The following CAMTA1 variants were observed in gnomAD, a reference collection of about 807,000 sequenced individuals.
The protein encoded by CAMTA1 is calmodulin binding transcription activator 1.
Under a neutral mutation model 170.9 loss-of-function variants are expected in CAMTA1, and 27 were observed. The ratio of observed to expected loss-of-function variants is 0.16; its 90% CI spans 0.12 to 0.22. The LOEUF (loss-of-function observed/expected upper bound fraction) is 0.22, where lower values mean the gene tolerates loss of function less well. Ranked by LOEUF, CAMTA1 falls within the 10% of genes least tolerant of loss-of-function variation. CAMTA1 has a pLI of 1.00. For synonymous variants in CAMTA1, 833 were observed against 891.5 expected (o/e 0.93, Z 1.17); for missense variants, 1,619 against 2,217.2 (o/e 0.73, Z 5.42).
chr1:7,717,432 G>A (rs753258307), intron 11 of CAMTA1, among the ~76,000 whole-genome samples: 15 of 152,022 alleles, frequency 9.9e-5, no homozygotes, highest in Admixed American at 6.6e-5. Flanking sequence ...CAATAAATAC[G>A]TACAATTTAT....
At chr1:7,219,409 C>T (rs1169074685) in intron 4 of CAMTA1, 2 of 151,908 alleles carry the variant, frequency 1.3e-5, no homozygotes, top group East Asian at 3.9e-4. Context: ...GTGGTACTCC[C>T]AGGGTGAGGC....
At chr1:6,803,299 T>TAGAAAGCAGAAAACAAGCGGGGA (rs1553149420) in intron 1 of CAMTA1, among the ~76,000 whole-genome samples, 1 of 152,186 alleles carries the variant, frequency 6.6e-6, no homozygotes, top group East Asian at 1.9e-4. Flanking sequence ...TCAGAATGGG[T>TAGAAAGCAGAAAACAAGCGGGGA]AGAAAGCAGA....
intron 6 of CAMTA1, among the ~76,000 whole-genome samples, chr1:7,618,206 T>G (rs1306085417): frequency 2.0e-5 from 3 of 152,200 alleles, no homozygotes; most frequent in Non-Finnish European, 4.4e-5. Flanking sequence ...CTCTCTCTTC[T>G]TCCATCTCCA....
At chr1:6,943,538 T>C in intron 3 of CAMTA1, among the ~76,000 whole-genome samples, 1 of 152,170 alleles carries the variant, frequency 6.6e-6, no homozygotes, top group East Asian at 1.9e-4. Context: ...TTTAAAGTTA[T>C]TTTAAATTGT....
chr1:7,141,103 AG>A (rs1391902463), intron 4 of CAMTA1, among the ~76,000 whole-genome samples: 4 of 152,158 alleles, frequency 2.6e-5, no homozygotes, highest in Non-Finnish European at 5.9e-5. Context: ...TGCAGGCCAA[AG>A]GGTAGCTCCC....
chr1:7,160,057 C>T (rs1403868616), intron 4 of CAMTA1, among the ~76,000 whole-genome samples: 1 of 152,078 alleles, frequency 6.6e-6, no homozygotes, highest in Non-Finnish European at 1.5e-5. Flanking sequence ...TGAGACCAGC[C>T]TGGCCAGCAT....
intron 5 of CAMTA1, among the ~76,000 whole-genome samples, chr1:7,444,083 C>T (rs1391161779): frequency 6.6e-6 from 1 of 152,240 alleles, no homozygotes; most frequent in African/African-American, 2.4e-5. Flanking sequence ...AGGAAACCCG[C>T]TGGTGCTCAG....
intron 3 of CAMTA1, among the ~76,000 whole-genome samples, chr1:7,009,885 G>A (rs560878757): frequency 6.4e-4 from 97 of 152,318 alleles, no homozygotes; most frequent in African/African-American, 2.2e-3. Context: ...TGCGGTCCTC[G>A]TGCTTGGGCT....
chr1:7,162,511 A>C (rs1295549439), intron 4 of CAMTA1, among the ~76,000 whole-genome samples: 1 of 152,088 alleles, frequency 6.6e-6, no homozygotes, highest in Non-Finnish European at 1.5e-5. Flanking sequence ...TTCTGTTTCT[A>C]TTAGACTGAT....
At chr1:7,194,622 A>G (rs1038530659) in intron 4 of CAMTA1, among the ~76,000 whole-genome samples, 1 of 152,192 alleles carries the variant, frequency 6.6e-6, no homozygotes, top group African/African-American at 2.4e-5. Flanking sequence ...GCTGTTTTAC[A>G]GCGATACTTG....
At chr1:7,095,597 A>G (rs1343288767) in intron 4 of CAMTA1, among the ~76,000 whole-genome samples, 1 of 152,250 alleles carries the variant, frequency 6.6e-6, no homozygotes, top group African/African-American at 2.4e-5. Context: ...GAAGGTTCCC[A>G]GGGAGCCCGT....
At chr1:7,102,904 ACTCTT>A (rs1642910822) in intron 4 of CAMTA1, among the ~76,000 whole-genome samples, 1 of 151,538 alleles carries the variant, frequency 6.6e-6, no homozygotes, top group Non-Finnish European at 1.5e-5. Context: ...GTTGGCACCC[ACTCTT>A]CTCTTTACTC....
In CAMTA1 at chr1:7,736,888, C is replaced by G. The variant is rs554344577; in HGVS notation, c.3264-43C>G. The G allele has an allele frequency of 6.9e-7, 1 of 1,447,266 alleles. No individual in the cohort carries two copies. Among genetic ancestry groups the G allele is most frequent in the Non-Finnish European group, 9.7e-7 (1 of 1,035,976 alleles). The allele number at this position is 1,447,266 out of a possible 1,614,324, so 89.7% of individuals were successfully genotyped here. A position where few individuals can be genotyped will look rare whatever the true frequency, so the allele number is the denominator to read the frequency against. Reference sequence around the variant, plus strand: ...ATAATATTCTGGTGTTTCCTTTTAACGGTGGTGAATAGTGTGGTAATTTCT... The same window carrying G: ...ATAATATTCTGGTGTTTCCTTTTAAGGGTGGTGAATAGTGTGGTAATTTCT... On this transcript the variant is annotated intron_variant, in intron 13 of 22. Transcript: ENST00000303635. The surrounding 1 kb of genome is among the most constrained non-coding windows in gnomAD (Gnocchi z 4.5).
At chr1:7,217,374 C>G (rs1412948939) in intron 4 of CAMTA1, among the ~76,000 whole-genome samples, 1 of 152,180 alleles carries the variant, frequency 6.6e-6, no homozygotes, top group Non-Finnish European at 1.5e-5. Context: ...CAGTCTCGGG[C>G]AGTTCTTTAT....
At chr1:7,366,413 C>T (rs1221190851) in intron 5 of CAMTA1, among the ~76,000 whole-genome samples, 1 of 152,200 alleles carries the variant, frequency 6.6e-6, no homozygotes, top group East Asian at 1.9e-4. Context: ...CGCGGGTTGC[C>T]TTGGAGAAAG....
chr1:7,411,453 C>T (rs967936810), intron 5 of CAMTA1, among the ~76,000 whole-genome samples: 2 of 137,924 alleles, frequency 1.5e-5, no homozygotes, highest in Non-Finnish European at 3.0e-5. Context: ...GCAGGAGAAT[C>T]GATAGAACCT....
chr1:7,721,134 C>T (rs1282554182), intron 11 of CAMTA1, among the ~76,000 whole-genome samples: 1 of 152,196 alleles, frequency 6.6e-6, no homozygotes, highest in Non-Finnish European at 1.5e-5. Context: ...AAAAAGCTCA[C>T]ATTCTAGCCT....
At chr1:6,956,292 T>C (rs553392687) in intron 3 of CAMTA1, among the ~76,000 whole-genome samples, 2 of 152,252 alleles carry the variant, frequency 1.3e-5, no homozygotes, top group African/African-American at 4.8e-5. Flanking sequence ...AATACTCAGG[T>C]GCATACTATG....
intron 4 of CAMTA1, among the ~76,000 whole-genome samples, chr1:7,120,739 G>T (rs114771247): frequency 1.2e-4 from 18 of 152,172 alleles, no homozygotes; most frequent in East Asian, 9.6e-4. Context: ...TCCCTTTGTG[G>T]AGTAGGAAAG....
Sources: allele counts gnomAD v4.1 joint callset (sites outside exome capture counted in the v4.1 genomes callset), GRCh38; gene constraint gnomAD v4.1.1; non-coding constraint Gnocchi (gnomAD v3.1); transcripts MANE v1.5; gene names NCBI Gene and HGNC (gene_info 2026-07-23, HGNC 2026-07-21).